SHISAL1: variants seen among roughly 807,000 people sequenced by gnomAD.
The protein encoded by SHISAL1 is protein shisa-like-1.
A neutral mutation model predicts 22.6 loss-of-function variants in SHISAL1; 9 were observed. The observed-to-expected ratio is 0.40, with a 90% CI of 0.24 to 0.70. SHISAL1 has a LOEUF of 0.70. Among genes scored for constraint, SHISAL1 ranks in the 30% least tolerant of loss-of-function variants. SHISAL1 has a pLI of 0.39. For synonymous variants in SHISAL1, 119 were observed against 115.4 expected (o/e 1.03, Z -0.20); for missense variants, 246 against 270.6 (o/e 0.91, Z 0.64).
At chr22:44,254,019 C>G (rs1453262969) in intron 4 of SHISAL1, among the ~76,000 whole-genome samples, 1 of 151,962 alleles carries the variant, frequency 6.6e-6, no homozygotes, top group Non-Finnish European at 1.5e-5. Flanking sequence ...AAACCACAGA[C>G]CAAACCAAAC....
intron 3 of SHISAL1, among the ~76,000 whole-genome samples, chr22:44,291,748 C>T (rs1326590668): frequency 6.6e-6 from 1 of 152,140 alleles, no homozygotes; most frequent in Non-Finnish European, 1.5e-5. Flanking sequence ...CACTCCCAGC[C>T]ACCTCCTCCA....
At chr22:44,330,554 G>T in the SHISAL1 span, among the ~76,000 whole-genome samples, 5 of 152,170 alleles carry the variant, frequency 3.3e-5, no homozygotes, top group Non-Finnish European at 5.9e-5. Flanking sequence ...TAGCAAGAGT[G>T]GGGGAGACCC....
intron 4 of SHISAL1, among the ~76,000 whole-genome samples, chr22:44,266,528 A>ATGTATGTG (rs2055164122): frequency 1.8e-5 from 2 of 108,328 alleles, no homozygotes; most frequent in Admixed American, 1.1e-4. Context: ...GCTTTGGGGT[A>ATGTATGTG]TGTGTGTGTG....
intron 3 of SHISAL1, among the ~76,000 whole-genome samples, chr22:44,294,150 T>C (rs1168655844): frequency 2.0e-5 from 3 of 152,238 alleles, no homozygotes; most frequent in African/African-American, 2.4e-5. Context: ...CCTTGTCTTA[T>C]ACAAGGCTTG....
intron 1 of SHISAL1, among the ~76,000 whole-genome samples, chr22:44,312,405 C>T (rs1191074642): frequency 3.3e-5 from 5 of 152,138 alleles, no homozygotes; most frequent in African/African-American, 1.2e-4. Flanking sequence ...GCCTTCTCTC[C>T]AACCCCTCTC....
intron 1 of SHISAL1, among the ~76,000 whole-genome samples, 189 bp from the exon 2 acceptor site, chr22:44,301,166 C>G (rs1432213543): frequency 1.3e-5 from 2 of 152,224 alleles, no homozygotes; most frequent in Non-Finnish European, 2.9e-5. Flanking sequence ...CCTTCCCCCA[C>G]AAGCCAACTG....
rs1037929847 is a variant in SHISAL1 at position 44,312,734 on chromosome 22, C to G, written c.-33+17G>C. On this transcript the variant is annotated intron_variant, in intron 1 of 4. Coordinates refer to ENST00000381176, the MANE Select transcript of SHISAL1 (RefSeq NM_001099294.2). ...TGCACAGTGAGGACCTGGAAACCTC[C>G]ACAGGCTGCTCCTTACCTGCCGAGC... The G allele has an allele frequency of 5.2e-5, 8 of 152,414 alleles. No homozygotes were observed. In the East Asian group the frequency reaches 1.3e-3, roughly 26 times the overall value. The allele number at this position is 152,414 out of a possible 1,614,324, so 9.4% of individuals were successfully genotyped here.
chr22:44,303,736 C>T (rs2055450126), intron 1 of SHISAL1, among the ~76,000 whole-genome samples: 1 of 152,144 alleles, frequency 6.6e-6, no homozygotes, highest in African/African-American at 2.4e-5. Context: ...GGGTTGGGTC[C>T]ACACGAGGAA....
chr22:44,259,121 TTTGCAACAGG>T (rs2055104656), intron 4 of SHISAL1, among the ~76,000 whole-genome samples: 3 of 152,024 alleles, frequency 2.0e-5, no homozygotes, highest in African/African-American at 7.2e-5. Context: ...TAGGTGGAAA[TTTGCAACAGG>T]GTGGCCACAT....
At chr22:44,328,797 T>C in the SHISAL1 span, among the ~76,000 whole-genome samples, 1 of 151,028 alleles carries the variant, frequency 6.6e-6, no homozygotes, top group African/African-American at 2.4e-5. Flanking sequence ...CACCCTGCTA[T>C]TCAAACCCTC....
intron 4 of SHISAL1, among the ~76,000 whole-genome samples, chr22:44,261,494 G>A (rs1204198899): frequency 5.9e-5 from 9 of 152,088 alleles, no homozygotes; most frequent in African/African-American, 1.4e-4. Context: ...AGACAAGCCC[G>A]GGTTCAGGTC....
chr22:44,318,510 G>T, the SHISAL1 span, among the ~76,000 whole-genome samples: 5 of 152,222 alleles, frequency 3.3e-5, no homozygotes, highest in African/African-American at 1.2e-4. Flanking sequence ...GGACGTGCAG[G>T]CTGGCCTGGG....
chr22:44,263,490 G>T (rs972478245), intron 4 of SHISAL1, among the ~76,000 whole-genome samples: 2 of 152,190 alleles, frequency 1.3e-5, no homozygotes, highest in African/African-American at 4.8e-5. Context: ...CCTATCTGGG[G>T]CAAGATGGCC....
intron 4 of SHISAL1, among the ~76,000 whole-genome samples, chr22:44,259,247 G>C (rs1355592575): frequency 6.6e-6 from 1 of 151,976 alleles, no homozygotes; most frequent in Non-Finnish European, 1.5e-5. Context: ...TTTGAGACCA[G>C]CTCAAACATG....
chr22:44,327,723 C>A, the SHISAL1 span, among the ~76,000 whole-genome samples: 1 of 151,978 alleles, frequency 6.6e-6, no homozygotes, highest in East Asian at 1.9e-4. Flanking sequence ...ATGGGGCCAC[C>A]CTCCTGCCAG....
intron 4 of SHISAL1, among the ~76,000 whole-genome samples, chr22:44,266,836 A>T (rs1374211610): frequency 6.6e-6 from 1 of 152,126 alleles, no homozygotes; most frequent in African/African-American, 2.4e-5. Context: ...AACCAAAATG[A>T]AGATCCTGCT....
chr22:44,303,096 T>C (rs1435482242), intron 1 of SHISAL1, among the ~76,000 whole-genome samples: 1 of 152,036 alleles, frequency 6.6e-6, no homozygotes, highest in Non-Finnish European at 1.5e-5. Flanking sequence ...TGTAACAGCG[T>C]CGTCCTCCCA....
chr22:44,290,203 C>A (rs1015630249), intron 3 of SHISAL1, among the ~76,000 whole-genome samples: 1 of 152,170 alleles, frequency 6.6e-6, no homozygotes, highest in African/African-American at 2.4e-5. Flanking sequence ...GGAAGATGGC[C>A]GATGGCCCCT....
At chr22:44,306,447 T>A (rs2055474055) in intron 1 of SHISAL1, among the ~76,000 whole-genome samples, 1 of 135,112 alleles carries the variant, frequency 7.4e-6, no homozygotes, top group Non-Finnish European at 1.6e-5. Context: ...GGGGCTGTGA[T>A]GATGATGGTG....
Sources: gnomAD v4.1 joint callset for allele counts (sites outside exome capture counted in the v4.1 genomes callset) on GRCh38, gnomAD v4.1.1 for gene constraint, MANE v1.5 for transcripts, NCBI Gene and HGNC (gene_info 2026-07-23, HGNC 2026-07-21) for gene names.